DNAH11: variants seen among roughly 807,000 people sequenced by gnomAD.
DNAH11 encodes the protein dynein axonemal heavy chain 11.
Under a neutral mutation model 526.0 loss-of-function variants are expected in DNAH11, and 442 were observed. The ratio of observed to expected loss-of-function variants is 0.84; its 90% CI spans 0.78 to 0.91. DNAH11 has a LOEUF of 0.91. DNAH11 is among the 40% of genes least tolerant of loss of function. DNAH11 has a pLI of 0.00. For synonymous variants in DNAH11, 2,461 were observed against 1,935.9 expected (o/e 1.27, Z -7.12); for missense variants, 6,989 against 5,448.7 (o/e 1.28, Z -8.90).
intron 57 of DNAH11, among the ~76,000 whole-genome samples, chr7:21,783,593 G>T (rs73069956): frequency 0.014 from 2,095 of 152,212 alleles, 43 homozygotes; most frequent in African/African-American, 0.041. Context: ...ACTCTTCCTG[G>T]CCTTTCAGAT....
At chr7:21,846,618 T>G (rs941187911) in intron 66 of DNAH11, among the ~76,000 whole-genome samples, 1 of 152,152 alleles carries the variant, frequency 6.6e-6, no homozygotes, top group African/African-American at 2.4e-5. Flanking sequence ...GCTAATTTTT[T>G]GAGGATGTTC....
intron 62 of DNAH11, among the ~76,000 whole-genome samples, chr7:21,807,559 C>T (rs1440637555): frequency 6.6e-6 from 1 of 152,146 alleles, no homozygotes; most frequent in East Asian, 1.9e-4. Context: ...TCTTCCATTC[C>T]CAGAGGGACA....
chr7:21,585,519 G>A (rs1031975293), intron 9 of DNAH11, among the ~76,000 whole-genome samples: 5 of 152,126 alleles, frequency 3.3e-5, no homozygotes, highest in African/African-American at 9.7e-5. Flanking sequence ...GGAACTGAGC[G>A]CTATTCTACT....
intron 55 of DNAH11, 44 bp downstream of exon 55, chr7:21,765,633 CACACACACACA>C (rs1787147018): frequency 6.9e-7 from 1 of 1,442,712 alleles, no homozygotes; most frequent in East Asian, 2.6e-5. Context: ...CACACACACA[CACACACACACA>C]CACACACACA....
chr7:21,786,050 C>G (rs1297576628), intron 58 of DNAH11, among the ~76,000 whole-genome samples: 2 of 152,174 alleles, frequency 1.3e-5, no homozygotes, highest in Non-Finnish European at 2.9e-5. Context: ...TTAATATCAT[C>G]TGTTGGATTA....
At chr7:21,659,106 C>A in intron 30 of DNAH11, 75 bp downstream of exon 30, 1 of 1,231,388 alleles carries the variant, frequency 8.1e-7, no homozygotes, top group Non-Finnish European at 1.1e-6. Context: ...TTCTTTTAGT[C>A]ATTCATTTAC....
chr7:21,597,912 C>T (rs780256586), intron 14 of DNAH11, among the ~76,000 whole-genome samples: 2 of 152,178 alleles, frequency 1.3e-5, no homozygotes, highest in African/African-American at 2.4e-5. Context: ...GTGTGTACTG[C>T]ACAATTCCAG....
rs888716310 is a variant in DNAH11 at position 21,789,295 on chromosome 7, C to A, written c.9979C>A (p.Leu3327Met). 8 of 1,577,570 alleles carry A rather than the reference C, an allele frequency of 5.1e-6. No individual in the cohort carries two copies. Among genetic ancestry groups the A allele is most frequent in the Admixed American group, 3.7e-5 (2 of 54,710 alleles). The change falls in exon 61 of 82, where the codon CTG becomes ATG. Residue 3327 changes from leucine (L) to methionine (M), a missense_variant. By Grantham distance (15) the Leu-to-Met change is conservative. Transcript: ENST00000409508. ...RQALAQANLE[L>M]AAATEKLEAI... ...AGCATTAGCCCAAGCAAACTTAGAA[C>A]TGGCTGCAGCTACTGAAAAACTAGA...
intron 65 of DNAH11, among the ~76,000 whole-genome samples, chr7:21,821,036 A>G (rs1055022432): frequency 2.0e-5 from 3 of 152,082 alleles, no homozygotes; most frequent in Non-Finnish European, 2.9e-5. Flanking sequence ...AGTGGAGGGG[A>G]CAAATCAGTG....
intron 61 of DNAH11, among the ~76,000 whole-genome samples, chr7:21,793,392 C>T (rs1356641416): frequency 6.6e-6 from 1 of 151,886 alleles, no homozygotes; most frequent in African/African-American, 2.4e-5. Context: ...CTGAGGTGGG[C>T]AGATCATGAG....
At chr7:21,690,311 G>C (rs1406885178) in intron 34 of DNAH11, among the ~76,000 whole-genome samples, 1 of 152,172 alleles carries the variant, frequency 6.6e-6, no homozygotes, top group African/African-American at 2.4e-5. Context: ...TCAATGAAAG[G>C]TATGGAGGGA....
chr7:21,778,872 C>T, intron 56 of DNAH11, 86 bp from the exon 57 acceptor site: 1 of 1,483,914 alleles, frequency 6.7e-7, no homozygotes, highest in Non-Finnish European at 9.1e-7. Context: ...TGTTAGAGAT[C>T]CCTGAATTCA....
In DNAH11 at chr7:21,652,997, C is replaced by G. The variant is rs982531782; in HGVS notation, c.4945-2835C>G. ...GTTCAAGTGATTCTCCAGCCTCAGC[C>G]TCCCAAGTAGCTGGTATTACAGGCA... On this transcript the variant is annotated intron_variant, in intron 28 of 81. Coordinates refer to ENST00000409508, the MANE Select transcript of DNAH11 (RefSeq NM_001277115.2). 2.0e-5 allele frequency among the ~76,000 whole-genome samples: 3 copies of G among 152,138 alleles called. No individual in the cohort carries two copies. The East Asian group carries it at 5.8e-4, about 29-fold the overall frequency.
At chr7:21,817,984 A>C (rs1012436025) in intron 64 of DNAH11, among the ~76,000 whole-genome samples, 3 of 152,332 alleles carry the variant, frequency 2.0e-5, no homozygotes, top group South Asian at 2.1e-4. Context: ...ACATAGATTT[A>C]TTAGTTCAAA....
chr7:21,647,300 A>G (rs1382239469), intron 28 of DNAH11, among the ~76,000 whole-genome samples: 2 of 152,160 alleles, frequency 1.3e-5, no homozygotes, highest in East Asian at 1.9e-4. Context: ...GGTCAAAACA[A>G]TATAGAAGTC....
intron 20 of DNAH11, among the ~76,000 whole-genome samples, chr7:21,608,803 T>C (rs2128449713): frequency 6.6e-6 from 1 of 150,600 alleles, no homozygotes; most frequent in African/African-American, 2.4e-5. Context: ...CATGCTATAC[T>C]ATAACAGCAT....
chr7:21,881,349 T>C (rs1783919086), intron 75 of DNAH11, among the ~76,000 whole-genome samples: 1 of 152,238 alleles, frequency 6.6e-6, no homozygotes, highest in Non-Finnish European at 1.5e-5. Context: ...ATTTCCTGCA[T>C]ATGTCATTAT....
intron 61 of DNAH11, among the ~76,000 whole-genome samples, chr7:21,800,092 A>G (rs1450563763): frequency 6.6e-6 from 1 of 152,210 alleles, no homozygotes; most frequent in East Asian, 1.9e-4. Flanking sequence ...CAAGAGATCC[A>G]GGAAACAAGA....
At chr7:21,871,517 T>C (rs1335295808) in intron 73 of DNAH11, among the ~76,000 whole-genome samples, 1 of 152,226 alleles carries the variant, frequency 6.6e-6, no homozygotes, top group Admixed American at 6.5e-5. Flanking sequence ...TTACATTTGA[T>C]TCAAGTAAAC....
Sources: gnomAD v4.1 joint callset for allele counts (sites outside exome capture counted in the v4.1 genomes callset) on GRCh38, gnomAD v4.1.1 for gene constraint, MANE v1.5 for transcripts, NCBI Gene and HGNC (gene_info 2026-07-23, HGNC 2026-07-21) for gene names.